Variants in PPP2R2B observed in about 807,000 individuals in gnomAD.
PPP2R2B encodes protein phosphatase 2 regulatory subunit Bbeta.
In PPP2R2B, 5 loss-of-function variants were observed where a neutral mutation model predicts 46.0. That is an observed-to-expected ratio of 0.11 (90% CI 0.06 to 0.23). The LOEUF (loss-of-function observed/expected upper bound fraction) is 0.23, where lower values mean the gene tolerates loss of function less well. Among genes scored for constraint, PPP2R2B ranks in the 10% least tolerant of loss-of-function variants. PPP2R2B has a pLI of 1.00. For synonymous variants in PPP2R2B, 215 were observed against 206.7 expected (o/e 1.04, Z -0.34); for missense variants, 367 against 575.0 (o/e 0.64, Z 3.70).
At chr5:146,592,907 T>A in intron 9 of PPP2R2B, 64 bp downstream of exon 9, 1 of 1,498,198 alleles carries the variant, frequency 6.7e-7, no homozygotes, top group South Asian at 1.1e-5. Flanking sequence ...CTACTTAGGA[T>A]AAATTCCCTG....
chr5:146,905,475 C>T (rs1762967069), intron 1 of PPP2R2B, among the ~76,000 whole-genome samples: 1 of 151,994 alleles, frequency 6.6e-6, no homozygotes, highest in East Asian at 1.9e-4. Flanking sequence ...AACTCCAGGC[C>T]TCCAGTGATC....
At chr5:146,817,010 C>A (rs1582177615) in intron 2 of PPP2R2B, among the ~76,000 whole-genome samples, 3 of 152,294 alleles carry the variant, frequency 2.0e-5, no homozygotes, top group Non-Finnish European at 4.4e-5. Flanking sequence ...TTGGAGTTAA[C>A]CAAGACCCTG....
At chr5:146,853,879 G>C (rs566051982) in intron 2 of PPP2R2B, among the ~76,000 whole-genome samples, 1 of 152,012 alleles carries the variant, frequency 6.6e-6, no homozygotes, top group South Asian at 2.1e-4. Flanking sequence ...TCAGGTCTCA[G>C]TTTAGCCATC....
chr5:146,626,446 T>C (rs1406037144), intron 7 of PPP2R2B, among the ~76,000 whole-genome samples: 1 of 152,170 alleles, frequency 6.6e-6, no homozygotes, highest in East Asian at 1.9e-4. Context: ...TATTTATAAA[T>C]TGAAAAAATG....
chr5:146,804,876 A>G (rs189420252), intron 2 of PPP2R2B, among the ~76,000 whole-genome samples: 40 of 152,282 alleles, frequency 2.6e-4, no homozygotes, highest in Middle Eastern at 3.4e-3. Context: ...CTGGGCAGAA[A>G]CAAGGCAGCC....
At chr5:146,951,888 G>T (rs775228497) in intron 1 of PPP2R2B, among the ~76,000 whole-genome samples, 10 of 151,714 alleles carry the variant, frequency 6.6e-5, no homozygotes, top group Non-Finnish European at 1.3e-4. Flanking sequence ...TAATGGGATT[G>T]CTGGGTCAAA....
chr5:146,785,203 GAGGA>G (rs944839831), intron 2 of PPP2R2B, among the ~76,000 whole-genome samples: 1 of 152,092 alleles, frequency 6.6e-6, no homozygotes, highest in African/African-American at 2.4e-5. Context: ...TATAGAAAAG[GAGGA>G]AGGAAGTGGG....
At chr5:146,717,357 G>T (rs994418433) in intron 2 of PPP2R2B, among the ~76,000 whole-genome samples, 2 of 152,208 alleles carry the variant, frequency 1.3e-5, no homozygotes, top group African/African-American at 4.8e-5. Context: ...TGCCTCTGGA[G>T]GATATGAAAA....
chr5:146,708,305 C>T (rs1245669391), intron 2 of PPP2R2B, among the ~76,000 whole-genome samples: 2 of 148,460 alleles, frequency 1.3e-5, no homozygotes, highest in South Asian at 2.1e-4. Context: ...TGCAGTGAGC[C>T]GAGATCATGC....
At chr5:146,854,600 C>T (rs952749413) in intron 2 of PPP2R2B, among the ~76,000 whole-genome samples, 16 of 152,170 alleles carry the variant, frequency 1.1e-4, no homozygotes, top group African/African-American at 3.9e-4. Flanking sequence ...CTAATAGATT[C>T]AATTTCTGAA....
intron 2 of PPP2R2B, among the ~76,000 whole-genome samples, chr5:146,846,847 T>C (rs529403292): frequency 4.8e-4 from 73 of 152,308 alleles, no homozygotes; most frequent in Non-Finnish European, 9.6e-4. Flanking sequence ...TGCTTATGAC[T>C]TTTTCTTAAA....
chr5:146,639,054 T>A (rs79150247), intron 6 of PPP2R2B, among the ~76,000 whole-genome samples: 3,138 of 152,326 alleles, frequency 0.021, 51 homozygotes, highest in Admixed American at 0.062. Flanking sequence ...TCCTCATTTT[T>A]TCAGGGGTGG....
chr5:146,621,538 CA>C (rs1436257536), intron 7 of PPP2R2B, among the ~76,000 whole-genome samples: 6 of 152,180 alleles, frequency 3.9e-5, no homozygotes, highest in Non-Finnish European at 7.3e-5. Flanking sequence ...ATTGGACTGG[CA>C]AGGATTAAAC....
intron 1 of PPP2R2B, among the ~76,000 whole-genome samples, chr5:146,915,517 C>A (rs1029719917): frequency 1.3e-4 from 20 of 151,956 alleles, no homozygotes; most frequent in African/African-American, 3.4e-4. Context: ...CACTGCTATT[C>A]CTTCATAACA....
chr5:146,589,865 C>G lies in PPP2R2B; in HGVS notation c.*82G>C. Reference sequence around the variant, plus strand: ...TATAGGGAAATTAAAGTCAATGCATCAAATGAAGACCCAAAGAAACATTTA... The same window carrying G: ...TATAGGGAAATTAAAGTCAATGCATGAAATGAAGACCCAAAGAAACATTTA... On this transcript the variant is annotated 3_prime_UTR_variant, in exon 10 of 10. Transcript: ENST00000394411. 1 of 1,366,574 alleles carries G rather than the reference C, an allele frequency of 7.3e-7. No homozygotes were observed. Among genetic ancestry groups the G allele is most frequent in the Non-Finnish European group, 1.0e-6 (1 of 986,802 alleles). The allele number at this position is 1,366,574 out of a possible 1,614,324, so 84.7% of individuals were successfully genotyped here.
At chr5:146,695,939 C>T (rs1482932884) in intron 4 of PPP2R2B, among the ~76,000 whole-genome samples, 1 of 152,138 alleles carries the variant, frequency 6.6e-6, no homozygotes, top group Admixed American at 6.6e-5. Context: ...TTTTGAGATG[C>T]TGTTGGCATA....
chr5:146,723,634 C>A (rs1387950407), intron 2 of PPP2R2B, among the ~76,000 whole-genome samples: 5 of 152,218 alleles, frequency 3.3e-5, no homozygotes, highest in East Asian at 1.9e-4. Context: ...GGATAAAATC[C>A]AGACCTCCTT....
intron 2 of PPP2R2B, 37 bp from the exon 3 acceptor site, chr5:146,701,179 C>T: frequency 1.4e-6 from 2 of 1,469,120 alleles, no homozygotes; most frequent in Non-Finnish European, 1.9e-6. Context: ...TAAGTAACTG[C>T]ACACTTACTT....
chr5:146,899,208 A>G (rs1762743188), intron 1 of PPP2R2B, among the ~76,000 whole-genome samples: 1 of 144,528 alleles, frequency 6.9e-6, no homozygotes, highest in South Asian at 2.3e-4. Context: ...ACAATAGCAA[A>G]GACTTGGAAC....
Sources: allele counts gnomAD v4.1 joint callset (sites outside exome capture counted in the v4.1 genomes callset), GRCh38; gene constraint gnomAD v4.1.1; transcripts MANE v1.5; gene names NCBI Gene and HGNC (gene_info 2026-07-23, HGNC 2026-07-21).